Variants in KLHL5 observed in about 807,000 individuals in gnomAD.
The protein encoded by KLHL5 is kelch-like protein 5.
KLHL5 carries 48 observed loss-of-function variants against 77.7 expected under a neutral mutation model. The observed-to-expected ratio is 0.62, with a 90% CI of 0.49 to 0.79. KLHL5 has a LOEUF of 0.79. Among genes scored for constraint, KLHL5 ranks in the 30% least tolerant of loss-of-function variants. The probability of loss-of-function intolerance (pLI) is 0.00; values close to 1 mark genes in which losing one functional copy is unlikely to be tolerated. For synonymous variants in KLHL5, 260 were observed against 297.0 expected, an observed-to-expected ratio of 0.88 and a Z score of 1.28; for missense variants, 723 against 859.7, an observed-to-expected ratio of 0.84 and a Z score of 1.99.
chr4:39,068,939 C>A (rs1560411899), intron 1 of KLHL5, among the ~76,000 whole-genome samples: 1 of 152,162 alleles, frequency 6.6e-6, no homozygotes, highest in Non-Finnish European at 1.5e-5. Context: ...GATTCAGAAA[C>A]ACAGTGGCTT....
At chr4:39,073,630 G>A (rs1159932885) in intron 1 of KLHL5, among the ~76,000 whole-genome samples, 1 of 151,518 alleles carries the variant, frequency 6.6e-6, no homozygotes, top group Non-Finnish European at 1.5e-5. Flanking sequence ...AAATCTTCAA[G>A]TTATTATTAT....
downstream of KLHL5, among the ~76,000 whole-genome samples, chr4:39,128,144 A>G (rs553434386): frequency 2.0e-5 from 3 of 152,320 alleles, no homozygotes; most frequent in South Asian, 6.2e-4. Flanking sequence ...AAGGCCACAT[A>G]TGGCGGTATA....
chr4:39,115,512 G>A lies in KLHL5; in HGVS notation c.2073+182G>A. 5 of 1,484,796 alleles carry A rather than the reference G, an allele frequency of 3.4e-6. No homozygotes were observed. The South Asian group carries it at 6.7e-5, about 20-fold the overall frequency. The allele number at this position is 1,484,796 out of a possible 1,614,324, so 92.0% of individuals were successfully genotyped here. ...AATTTTATAACATAATTAAAATCCA[G>A]AATTACCTTTGAGATGTAAGTTAAT... On this transcript the variant is annotated intron_variant, in intron 10 of 10. Transcript: ENST00000504108.
At chr4:39,049,577 C>T (rs1400041565) in intron 1 of KLHL5, among the ~76,000 whole-genome samples, 1 of 151,894 alleles carries the variant, frequency 6.6e-6, no homozygotes, top group Non-Finnish European at 1.5e-5. Context: ...GTCCGAGCTT[C>T]CTTGGGGGCG....
chr4:39,100,162 G>C (rs1248980002), intron 6 of KLHL5, among the ~76,000 whole-genome samples: 1 of 152,150 alleles, frequency 6.6e-6, no homozygotes, highest in South Asian at 2.1e-4. Flanking sequence ...AGGAAAATGC[G>C]TATCTGTCTT....
Position 39,070,493 on chromosome 4 carries a change from G to A in KLHL5, c.384-5472G>A, listed in dbSNP as rs751293804. ...CAACCTGTGATAAACCCTGTAGCTA[G>A]ATCTCTGTACCTATTGATGATTCTT... On this transcript the variant is annotated intron_variant, in intron 1 of 10. Transcript: ENST00000504108. Among the ~76,000 whole-genome samples, 22 of 152,140 alleles carry A rather than the reference G, an allele frequency of 1.4e-4. 1 individual carries two copies. The highest frequency in any genetic ancestry group is 3.1e-4 in the Non-Finnish European group (21 of 68,022).
chr4:39,072,165 CCAAA>C (rs1718538402), intron 1 of KLHL5, among the ~76,000 whole-genome samples: 1 of 147,082 alleles, frequency 6.8e-6, no homozygotes, highest in African/African-American at 2.7e-5. Flanking sequence ...AGACAACCAT[CCAAA>C]CAACATTATA....
At chr4:39,135,326 TG>T in the KLHL5 span, 1 of 152,220 alleles carries the variant, frequency 6.6e-6, no homozygotes, top group African/African-American at 2.4e-5. Flanking sequence ...CCACGGAGCT[TG>T]GGAAATCCAC....
intron 1 of KLHL5, among the ~76,000 whole-genome samples, chr4:39,069,567 T>A (rs866618283): frequency 6.1e-4 from 62 of 101,322 alleles, no homozygotes; most frequent in East Asian, 1.7e-3. Context: ...TATATATATA[T>A]AAACCATAGA....
rs545503917 is a variant in KLHL5, at chr4:39,124,395, C to T, written c.*3329C>T. 3.9e-5 allele frequency among the ~76,000 whole-genome samples: 6 copies of T among 152,256 alleles called. No homozygotes were observed. The East Asian group carries it at 7.7e-4, about 20-fold the overall frequency. On this transcript the variant is annotated 3_prime_UTR_variant, in exon 11 of 11. Transcript: ENST00000504108. ...TGAACAAGAATAAAGTTGAAGGACT[C>T]ACATTTTCCAATTTCAAAATTTACT... is the stretch of plus-strand genomic sequence containing the variant.
At chr4:39,054,665 C>A (rs1447246812) in intron 1 of KLHL5, among the ~76,000 whole-genome samples, 1 of 152,208 alleles carries the variant, frequency 6.6e-6, no homozygotes, top group Non-Finnish European at 1.5e-5. Context: ...CAGGCTCTTT[C>A]TGCTGTGTCA....
At chr4:39,098,039 G>A (rs1427163762) in intron 6 of KLHL5, among the ~76,000 whole-genome samples, 1 of 151,254 alleles carries the variant, frequency 6.6e-6, no homozygotes, top group Non-Finnish European at 1.5e-5. Flanking sequence ...GGGAGGCTGA[G>A]GCAGGAGGAT....
chr4:39,126,106 G>A lies in KLHL5; in HGVS notation c.*5040G>A, dbSNP rs1236100126. ...CTTCCCCACCGTCCGGTACATGGCA[G>A]GCATTCCACAAATGTTTTCTGAAAG... On this transcript the variant is annotated 3_prime_UTR_variant, in exon 11 of 11. Transcript: ENST00000504108. Among the ~76,000 whole-genome samples, 9 of 152,128 alleles carry A rather than the reference G, an allele frequency of 5.9e-5. No homozygotes were observed. Among genetic ancestry groups the A allele is most frequent in the Non-Finnish European group, 1.2e-4 (8 of 68,026 alleles).
upstream of KLHL5, chr4:39,044,856 C>A: frequency 2.7e-6 from 2 of 753,908 alleles, no homozygotes; most frequent in Non-Finnish European, 3.2e-6. Context: ...CCTACTCGCC[C>A]GCCCCCTCCG....
the KLHL5 span, among the ~76,000 whole-genome samples, chr4:39,137,734 G>A: frequency 2.4e-4 from 37 of 152,292 alleles, no homozygotes; most frequent in South Asian, 4.1e-3. Context: ...ACCAAAAAAC[G>A]AGGTTGTGCT....
chr4:39,090,700 C>T (rs1405185840), intron 5 of KLHL5, among the ~76,000 whole-genome samples: 4 of 152,078 alleles, frequency 2.6e-5, no homozygotes, highest in African/African-American at 7.2e-5. Context: ...CCACCCACCT[C>T]GGCCTCCCAA....
At chr4:39,101,877 T>TATATATATAC (rs769434754) in intron 6 of KLHL5, among the ~76,000 whole-genome samples, 1 of 108,528 alleles carries the variant, frequency 9.2e-6, no homozygotes, top group East Asian at 2.6e-4. Context: ...TATATATATA[T>TATATATATAC]ACACACACAC....
In KLHL5 at chr4:39,080,939, T is replaced by C. The variant is rs543549964; in HGVS notation, c.567-164T>C. 1.6e-4 allele frequency among the ~76,000 whole-genome samples: 25 copies of C among 152,324 alleles called. No individual in the cohort carries two copies. In the South Asian group the frequency reaches 5.2e-3, roughly 32 times the overall value. ...AGAAAATTTGGTAATGGTAATTTATTATTCAAAGGAAGGAACTAGAGCATA... is the reference window on the plus strand; with the variant it reads ...AGAAAATTTGGTAATGGTAATTTATCATTCAAAGGAAGGAACTAGAGCATA... On this transcript the variant is annotated intron_variant, in intron 2 of 10. Transcript: ENST00000504108.
At chr4:39,058,307 T>A (rs574107025), upstream of KLHL5, among the ~76,000 whole-genome samples, 1 of 152,190 alleles carries the variant, frequency 6.6e-6, no homozygotes, top group Non-Finnish European at 1.5e-5. Flanking sequence ...AGAATAACAT[T>A]GTGATTTTTC....
Sources: allele counts gnomAD v4.1 joint callset (sites outside exome capture counted in the v4.1 genomes callset), GRCh38; gene constraint gnomAD v4.1.1; transcripts MANE v1.5; gene names NCBI Gene and HGNC (gene_info 2026-07-23, HGNC 2026-07-21).